Variants in ZFP14 observed in about 807,000 individuals in gnomAD.
ZFP14 encodes the protein zinc finger protein 14 homolog.
Under a neutral mutation model 54.5 loss-of-function variants are expected in ZFP14, and 22 were observed. The observed-to-expected ratio is 0.40, with a 90% CI of 0.29 to 0.58. The LOEUF is 0.58. Among genes scored for constraint, ZFP14 ranks in the 20% least tolerant of loss-of-function variants. The probability of loss-of-function intolerance (pLI) is 0.39; values close to 1 mark genes in which losing one functional copy is unlikely to be tolerated. For missense variants in ZFP14, 470 were observed against 637.8 expected, an observed-to-expected ratio of 0.74 and a Z score of 2.83; for synonymous variants, 159 against 204.0, an observed-to-expected ratio of 0.78 and a Z score of 1.88.
chr19:36,344,360 AT>A (rs1193334942), intron 4 of ZFP14, among the ~76,000 whole-genome samples: 1 of 152,118 alleles, frequency 6.6e-6, no homozygotes, highest in African/African-American at 2.4e-5. Flanking sequence ...TCATATGTTT[AT>A]TAATTTTCTC....
intron 1 of ZFP14, among the ~76,000 whole-genome samples, chr19:36,372,325 G>GA (rs1452430232): frequency 6.7e-6 from 1 of 148,404 alleles, no homozygotes; most frequent in Non-Finnish European, 1.5e-5. Context: ...TTTGAAAAAA[G>GA]AAAAAACCCA....
chr19:36,374,844 T>C (rs1435667295), intron 1 of ZFP14, among the ~76,000 whole-genome samples: 1 of 152,178 alleles, frequency 6.6e-6, no homozygotes, highest in Non-Finnish European at 1.5e-5. Context: ...AATACCCAAA[T>C]ACTTCAAATA....
At chr19:36,345,143 A>T (rs1430497314) in intron 4 of ZFP14, among the ~76,000 whole-genome samples, 6 of 152,190 alleles carry the variant, frequency 3.9e-5, no homozygotes, top group African/African-American at 1.4e-4. Context: ...AATGCCTGTA[A>T]TCTTAGCTAC....
chr19:36,335,568 T>G lies in ZFP14; in HGVS notation c.*4656A>C, dbSNP rs1439469324. ...AGTATCAGATTTTTTAAACAGGGAGTTCACACACACACACACACACACACA... is the reference window on the plus strand; with the variant it reads ...AGTATCAGATTTTTTAAACAGGGAGGTCACACACACACACACACACACACA... On this transcript the variant is annotated 3_prime_UTR_variant, in exon 5 of 5. Coordinates refer to ENST00000270001, the MANE Select transcript of ZFP14 (RefSeq NM_020917.3). The G allele has an allele frequency of 4.9e-5, 7 of 142,262 alleles. No individual in the cohort carries two copies. Among genetic ancestry groups the G allele is most frequent in the Admixed American group, 4.7e-4 (7 of 14,784 alleles). The allele number at this position is 142,262 out of a possible 1,614,324, so 8.8% of individuals were successfully genotyped here. A position where few individuals can be genotyped will look rare whatever the true frequency, so the allele number is the denominator to read the frequency against.
Position 36,339,768 on chromosome 19 carries a change from C to T in ZFP14, c.*456G>A, listed in dbSNP as rs2031275086. 6.5e-6 allele frequency: 1 copy of T among 154,146 alleles called. No individual in the cohort carries two copies. Among genetic ancestry groups the T allele is most frequent in the Non-Finnish European group, 1.4e-5 (1 of 69,488 alleles). The allele number at this position is 154,146 out of a possible 1,614,324, so 9.5% of individuals were successfully genotyped here. On this transcript the variant is annotated 3_prime_UTR_variant, in exon 5 of 5. Transcript: ENST00000270001. ...TGAAATCTGTAGCCTTGCAAGAGACCCTGAAGCAGAGGACCCAACTAAGTC... is the reference window on the plus strand; with the variant it reads ...TGAAATCTGTAGCCTTGCAAGAGACTCTGAAGCAGAGGACCCAACTAAGTC...
rs1319598477 is a variant in ZFP14, at chr19:36,340,669, T to C, written c.1157A>G (p.His386Arg). The C allele has an allele frequency of 1.2e-6, 2 of 1,614,146 alleles. No individual in the cohort carries two copies. The highest frequency in any genetic ancestry group is 1.7e-6 in the Non-Finnish European group (2 of 1,180,028). Residue 386 changes from histidine (H) to arginine (R), a missense_variant, in exon 5 of 5, where the codon CAT becomes CGT. Transcript: ENST00000270001. This position sits in a 1 kb window ranked among gnomAD's most constrained non-coding sequence, Gnocchi z 5.4. Reference protein sequence around the residue: ...TFRLRQQLVRHQRIHTREKPY... With the variant: ...TFRLRQQLVRRQRIHTREKPY... ...TTTCTCACGAGTATGTATTCTCTGA[T>C]GGCGAACTAGTTGTTGTCTTAATCT...
In ZFP14 at chr19:36,341,706, A is replaced by G. The variant is rs1223064422; in HGVS notation, c.236-116T>C. The G allele has an allele frequency of 1.0e-6, 1 of 956,330 alleles. No individual in the cohort carries two copies. The highest frequency in any genetic ancestry group is 1.9e-5 in the South Asian group (1 of 52,516). The allele number at this position is 956,330 out of a possible 1,614,324, so 59.2% of individuals were successfully genotyped here. A position where few individuals can be genotyped will look rare whatever the true frequency, so the allele number is the denominator to read the frequency against. On this transcript the variant is annotated intron_variant, in intron 4 of 4. Coordinates refer to ENST00000270001, the MANE Select transcript of ZFP14 (RefSeq NM_020917.3). The surrounding 1 kb of genome is among the most constrained non-coding windows in gnomAD (Gnocchi z 4.2). ...GGCACCTAAAATAATGCCTGTTACA[A>G]ATTGAATGGATTAGACAGATCTCAA...
chr19:36,349,728 T>C (rs2031493228), intron 4 of ZFP14, among the ~76,000 whole-genome samples: 1 of 148,206 alleles, frequency 6.7e-6, no homozygotes, highest in Non-Finnish European at 1.5e-5. Flanking sequence ...GTATATTATC[T>C]ATAAATATTA....
chr19:36,372,647 C>G (rs939038130), intron 1 of ZFP14, among the ~76,000 whole-genome samples: 2 of 151,986 alleles, frequency 1.3e-5, no homozygotes, highest in Non-Finnish European at 2.9e-5. Flanking sequence ...TATGGAGAGG[C>G]CTCAAAAAAC....
chr19:36,345,250 T>TG (rs2031393795), intron 4 of ZFP14, among the ~76,000 whole-genome samples: 1 of 152,042 alleles, frequency 6.6e-6, no homozygotes, highest in Admixed American at 6.6e-5. Flanking sequence ...GCAACAAGAG[T>TG]GAAACTCCAT....
intron 4 of ZFP14, among the ~76,000 whole-genome samples, chr19:36,346,383 A>G (rs2031414589): frequency 6.6e-6 from 1 of 152,210 alleles, no homozygotes; most frequent in African/African-American, 2.4e-5. Flanking sequence ...AGCTAAGATA[A>G]TAAGAGAAAA....
At chr19:36,347,766 A>G (rs2031445054) in intron 4 of ZFP14, among the ~76,000 whole-genome samples, 1 of 152,194 alleles carries the variant, frequency 6.6e-6, no homozygotes, top group Non-Finnish European at 1.5e-5. Context: ...CTTTGAGTAT[A>G]AAAATGAAAT....
At chr19:36,373,775 T>C (rs1405368400) in intron 1 of ZFP14, among the ~76,000 whole-genome samples, 1 of 151,734 alleles carries the variant, frequency 6.6e-6, no homozygotes, top group Non-Finnish European at 1.5e-5. Context: ...TAGCCGGGCA[T>C]GGTAGCGTGC....
chr19:36,367,759 C>T, intron 2 of ZFP14, 125 bp downstream of exon 2: 1 of 1,152,826 alleles, frequency 8.7e-7, no homozygotes. Context: ...CCATTGCGTC[C>T]AGCCATGGAG....
At chr19:36,371,058 C>T (rs906036159) in intron 1 of ZFP14, among the ~76,000 whole-genome samples, 2 of 151,926 alleles carry the variant, frequency 1.3e-5, no homozygotes, top group African/African-American at 2.4e-5. Flanking sequence ...GTCAGGAGAT[C>T]GAGTCCATCC....
At position 36,336,674 on chromosome 19, in the gene ZFP14, A is replaced by G. The variant is rs1400582366; in HGVS notation, c.*3550T>C. On this transcript the variant is annotated 3_prime_UTR_variant, in exon 5 of 5. Transcript: ENST00000270001. ...CTGCTGTGGGTAAGTGAAGAAGATG[A>G]AGACTGTATCCACAAATAAGATTTC... 2.0e-5 allele frequency: 3 copies of G among 152,246 alleles called. No individual in the cohort carries two copies. Among genetic ancestry groups the G allele is most frequent in the Non-Finnish European group, 4.4e-5 (3 of 68,054 alleles). The allele number at this position is 152,246 out of a possible 1,614,324, so 9.4% of individuals were successfully genotyped here.
In ZFP14 at chr19:36,341,140, T is replaced by G; in HGVS notation, c.686A>C (p.Glu229Ala). ...HKLHTGEKPYECKECGKAFTV... is the reference protein window; with the variant it reads ...HKLHTGEKPYACKECGKAFTV... ...AAAGGCCTTCCCACACTCCTTACATTCATAGGGTTTCTCACCGGTGTGAAG... is the reference window on the plus strand; with the variant it reads ...AAAGGCCTTCCCACACTCCTTACATGCATAGGGTTTCTCACCGGTGTGAAG... The change falls in exon 5 of 5, where the codon GAA (glutamate) becomes GCA (alanine). Residue 229 changes from glutamate (E) to alanine (A), a missense_variant. Transcript: ENST00000270001. This position sits in a 1 kb window ranked among gnomAD's most constrained non-coding sequence, Gnocchi z 4.2. 3.1e-6 allele frequency: 5 copies of G among 1,614,144 alleles called. No individual in the cohort carries two copies. The highest frequency in any genetic ancestry group is 4.2e-6 in the Non-Finnish European group (5 of 1,179,992).
At chr19:36,377,174 C>T (rs952593491) in intron 1 of ZFP14, among the ~76,000 whole-genome samples, 1 of 152,168 alleles carries the variant, frequency 6.6e-6, no homozygotes, top group African/African-American at 2.4e-5. Flanking sequence ...ACCTCCTTTC[C>T]CTGCTTTTGA....
At chr19:36,358,080 CTAT>C (rs2031648883) in intron 4 of ZFP14, among the ~76,000 whole-genome samples, 8 of 146,760 alleles carry the variant, frequency 5.5e-5, no homozygotes, top group African/African-American at 2.0e-4. Flanking sequence ...ATCTATCTAT[CTAT>C]CTATCTATCA....
Sources: allele counts gnomAD v4.1 joint callset (sites outside exome capture counted in the v4.1 genomes callset), GRCh38; gene constraint gnomAD v4.1.1; non-coding constraint Gnocchi (gnomAD v3.1); transcripts MANE v1.5; gene names NCBI Gene and HGNC (gene_info 2026-07-23, HGNC 2026-07-21).